Variants in SGPP2 observed in about 807,000 individuals in gnomAD.
SGPP2 encodes sphingosine 1-phosphate phosphohydrolase 2.
SGPP2 carries 30 observed loss-of-function variants against 33.9 expected under a neutral mutation model. That is an observed-to-expected ratio of 0.89 (90% CI 0.66 to 1.20). The LOEUF is 1.20. Among genes scored for constraint, SGPP2 ranks in the 50% most tolerant of loss-of-function variants. SGPP2 has a pLI of 0.00. For missense variants in SGPP2, 458 were observed against 532.1 expected (o/e 0.86, Z 1.37); for synonymous variants, 233 against 225.0 (o/e 1.04, Z -0.32).
At chr2:222,459,142 C>CTTTCTTTTTTTTT (rs1414316448) in intron 1 of SGPP2, among the ~76,000 whole-genome samples, 14 of 94,468 alleles carry the variant, frequency 1.5e-4, no homozygotes, top group Admixed American at 2.4e-4. Context: ...TTCTTTCTTT[C>CTTTCTTTTTTTTT]TTTTTTTTTT....
chr2:222,529,546 G>A (rs1389561048), intron 4 of SGPP2, among the ~76,000 whole-genome samples: 1 of 152,174 alleles, frequency 6.6e-6, no homozygotes, highest in Admixed American at 6.5e-5. Flanking sequence ...TGTTGGCCAG[G>A]CTGGTCTTGA....
intron 1 of SGPP2, chr2:222,453,035 C>T: frequency 6.5e-7 from 1 of 1,544,810 alleles, no homozygotes; most frequent in Non-Finnish European, 8.9e-7. Context: ...TGACTGGGAC[C>T]TTGTCTTCCT....
At chr2:222,462,764 G>A (rs1265629941) in intron 1 of SGPP2, among the ~76,000 whole-genome samples, 1 of 152,048 alleles carries the variant, frequency 6.6e-6, no homozygotes, top group African/African-American at 2.4e-5. Flanking sequence ...TTTTTATATA[G>A]TTTTGGAACT....
chr2:222,475,137 G>A (rs1005106010), intron 2 of SGPP2, among the ~76,000 whole-genome samples: 14 of 152,042 alleles, frequency 9.2e-5, no homozygotes, highest in Non-Finnish European at 1.3e-4. Context: ...CAAGGTGGGC[G>A]GATCACCTGA....
In SGPP2 at chr2:222,424,789, G is replaced by A. The variant is rs1158312830; in HGVS notation, c.187G>A (p.Ala63Thr). ...CAACGGCAAGGGCGGCGAGGCTCCG[G>A]CCAACGGGCTGCGCAGAGCCGCGGC... is the stretch of plus-strand genomic sequence containing the variant. ...AANGKGGEAPANGLRRAAAPE... is the reference protein window; with the variant it reads ...AANGKGGEAPTNGLRRAAAPE... The change falls in exon 1 of 5, where the codon GCC becomes ACC. Residue 63 changes from alanine (A) to threonine (T), a missense_variant. By Grantham distance (58) the Ala-to-Thr change is moderately conservative. Coordinates refer to ENST00000321276, the MANE Select transcript of SGPP2 (RefSeq NM_152386.4). 5 of 1,396,834 alleles carry A rather than the reference G, an allele frequency of 3.6e-6. No individual in the cohort carries two copies. The highest frequency in any genetic ancestry group is 1.5e-5 in the South Asian group (1 of 64,986). 86.5% of individuals were successfully genotyped at this position (1,396,834 alleles called of 1,614,324 possible). A position where few individuals can be genotyped will look rare whatever the true frequency, so the allele number is the denominator to read the frequency against.
chr2:222,543,813 T>C (rs1048047070), intron 4 of SGPP2, among the ~76,000 whole-genome samples: 35 of 152,234 alleles, frequency 2.3e-4, no homozygotes, highest in African/African-American at 8.4e-4. Context: ...TTCAAAATTA[T>C]CTTCACTATT....
chr2:222,437,028 A>G (rs1697252675), intron 1 of SGPP2, among the ~76,000 whole-genome samples: 2 of 152,134 alleles, frequency 1.3e-5, no homozygotes, highest in African/African-American at 4.8e-5. Context: ...TGGCTGGGGA[A>G]AGAGGCTGAG....
At chr2:222,557,142 C>T (rs1689425643) in intron 4 of SGPP2, among the ~76,000 whole-genome samples, 1 of 152,126 alleles carries the variant, frequency 6.6e-6, no homozygotes, top group African/African-American at 2.4e-5. Flanking sequence ...TTCACTCTCT[C>T]TCTCCAGCCC....
At chr2:222,541,767 C>A (rs1699002277) in intron 4 of SGPP2, among the ~76,000 whole-genome samples, 2 of 151,978 alleles carry the variant, frequency 1.3e-5, no homozygotes, top group South Asian at 4.2e-4. Context: ...GCATGTACCA[C>A]CATGCCCAGC....
intron 4 of SGPP2, among the ~76,000 whole-genome samples, chr2:222,542,186 C>T (rs891934898): frequency 4.6e-5 from 7 of 152,142 alleles, no homozygotes; most frequent in African/African-American, 1.7e-4. Flanking sequence ...TGTTCTGTAT[C>T]GGGTTTCTTT....
At chr2:222,455,782 T>C (rs1451200731) in intron 1 of SGPP2, among the ~76,000 whole-genome samples, 8 of 152,218 alleles carry the variant, frequency 5.3e-5, no homozygotes, top group African/African-American at 1.9e-4. Flanking sequence ...AAAACTCGGC[T>C]AGGTGCAGTG....
chr2:222,488,093 C>T (rs1185665752), intron 2 of SGPP2, among the ~76,000 whole-genome samples: 2 of 152,176 alleles, frequency 1.3e-5, no homozygotes, highest in Admixed American at 6.5e-5. Flanking sequence ...CTATCAGGTG[C>T]GTTTACCTTG....
intron 2 of SGPP2, among the ~76,000 whole-genome samples, chr2:222,490,266 C>T (rs1020907965): frequency 3.3e-5 from 5 of 152,042 alleles, no homozygotes. Context: ...AGGAAATATA[C>T]TTGGTAAGTG....
chr2:222,481,842 T>G (rs1388514970), intron 2 of SGPP2, among the ~76,000 whole-genome samples: 1 of 152,208 alleles, frequency 6.6e-6, no homozygotes, highest in Non-Finnish European at 1.5e-5. Flanking sequence ...TTTCCCCATT[T>G]GTAAGATTTG....
At chr2:222,443,110 C>T (rs1029130104) in intron 1 of SGPP2, among the ~76,000 whole-genome samples, 8 of 152,158 alleles carry the variant, frequency 5.3e-5, no homozygotes, top group African/African-American at 1.9e-4. Flanking sequence ...GGAAATGTTA[C>T]CAGAATGGCC....
Position 222,424,545 on chromosome 2 carries a change from CA to C in SGPP2, c.-57del. Reference sequence around the variant, plus strand: ...GGGGGCGAGGCGGGAGTGGCGGTGCCAGCGGAGGGCACCGGCCCGGCGTGGC... The same window carrying C: ...GGGGGCGAGGCGGGAGTGGCGGTGCCGCGGAGGGCACCGGCCCGGCGTGGC... On this transcript the variant is annotated 5_prime_UTR_variant, in exon 1 of 5. Coordinates refer to ENST00000321276, the MANE Select transcript of SGPP2 (RefSeq NM_152386.4). The C allele has an allele frequency of 8.8e-7, 1 of 1,135,524 alleles. No individual in the cohort carries two copies. Among genetic ancestry groups the C allele is most frequent in the Non-Finnish European group, 1.1e-6 (1 of 907,542 alleles). The allele number at this position is 1,135,524 out of a possible 1,614,324, so 70.3% of individuals were successfully genotyped here.
intron 2 of SGPP2, among the ~76,000 whole-genome samples, chr2:222,496,763 C>A (rs539550940): frequency 2.6e-5 from 4 of 152,204 alleles, no homozygotes; most frequent in African/African-American, 9.6e-5. Flanking sequence ...ATGCTCTCAC[C>A]ATTCCTGCTA....
At chr2:222,510,505 CAT>C (rs2106124827) in intron 2 of SGPP2, among the ~76,000 whole-genome samples, 1 of 152,264 alleles carries the variant, frequency 6.6e-6, no homozygotes, top group Non-Finnish European at 1.5e-5. Flanking sequence ...CCCCATGAGA[CAT>C]GAGGAATAAT....
At chr2:222,516,567 GTATATGTTAAGAAACTTA>G (rs1268664884) in intron 2 of SGPP2, among the ~76,000 whole-genome samples, 73 of 152,268 alleles carry the variant, frequency 4.8e-4, no homozygotes, top group African/African-American at 1.5e-3. Flanking sequence ...CATATGATAA[GTATATGTTAAGAAACTTA>G]TATATGTTAA....
Sources: gnomAD v4.1 joint callset for allele counts (sites outside exome capture counted in the v4.1 genomes callset) on GRCh38, gnomAD v4.1.1 for gene constraint, MANE v1.5 for transcripts, NCBI Gene and HGNC (gene_info 2026-07-23, HGNC 2026-07-21) for gene names.